COL4A3: variants seen among roughly 807,000 people sequenced by gnomAD.
COL4A3 encodes the protein collagen type IV alpha 3 chain.
A neutral mutation model predicts 217.4 loss-of-function variants in COL4A3; 135 were observed. The observed-to-expected ratio is 0.62, with a 90% confidence interval of 0.54 to 0.72. The LOEUF (loss-of-function observed/expected upper bound fraction) is 0.72, where lower values mean the gene tolerates loss of function less well. COL4A3 is among the 30% of genes least tolerant of loss of function. COL4A3 has a pLI of 0.00. For missense variants in COL4A3, 1,868 were observed against 2,119.9 expected (o/e 0.88, Z 2.33); for synonymous variants, 690 against 736.3 (o/e 0.94, Z 1.02).
At chr2:227,304,169 G>T in intron 46 of COL4A3, 25 bp downstream of exon 46, 1 of 1,613,208 alleles carries the variant, frequency 6.2e-7, no homozygotes, top group South Asian at 1.1e-5. Context: ...GCATTGACTT[G>T]GATCACTAGG....
intron 43 of COL4A3, among the ~76,000 whole-genome samples, chr2:227,302,502 C>T (rs1306522102): frequency 6.6e-6 from 1 of 151,808 alleles, no homozygotes; most frequent in Non-Finnish European, 1.5e-5. Context: ...CATGGCGAAA[C>T]CCTGTCTCTA....
At position 227,207,701 on chromosome 2, in the gene COL4A3, G is replaced by A. The variant is rs572694146; in HGVS notation, c.88-30267G>A. Among the ~76,000 whole-genome samples the A allele has an allele frequency of 3.3e-5, 5 of 152,310 alleles. No homozygotes were observed. The South Asian group carries it at 8.3e-4, about 25-fold the overall frequency. On this transcript the variant is annotated intron_variant, in intron 1 of 51. Coordinates refer to ENST00000396578, the MANE Select transcript of COL4A3 (RefSeq NM_000091.5). ...CTGGTGTCTTCATGGGCAGAAATAG[G>A]TTGTAAATGTGGCCAAAAGCTCTCC...
At chr2:227,213,901 C>CAAAAAAAAAAAAAAAAAA (rs5839195) in intron 1 of COL4A3, among the ~76,000 whole-genome samples, 1 of 89,354 alleles carries the variant, frequency 1.1e-5, no homozygotes, top group Admixed American at 1.3e-4. Flanking sequence ...AACTCTGTCT[C>CAAAAAAAAAAAAAAAAAA]AAAAAAAAAA....
chr2:227,275,857 G>A (rs1205599868), intron 26 of COL4A3, among the ~76,000 whole-genome samples: 2 of 151,464 alleles, frequency 1.3e-5, no homozygotes, highest in African/African-American at 2.4e-5. Context: ...ATTCACCAAC[G>A]TTTAAACTTA....
rs1402894646 is a variant in COL4A3 at position 227,282,488 on chromosome 2, G to A, written c.2612G>A (p.Gly871Asp). 1 of 1,613,848 alleles carries A rather than the reference G, an allele frequency of 6.2e-7. No individual in the cohort carries two copies. The highest frequency in any genetic ancestry group is 8.5e-7 in the Non-Finnish European group (1 of 1,179,962). The change falls in exon 32 of 52, where the codon GGT becomes GAT. Residue 871 changes from glycine to aspartate, a missense_variant. By Grantham distance (94) the Gly-to-Asp change is moderately conservative (BLOSUM62 -1). Around this residue, in one of 2 missense-constraint regions of COL4A3, gnomAD observed 1,503 missense variants for 1,786.1 expected, o/e 0.84. Transcript: ENST00000396578. This position sits in a 1 kb window ranked among gnomAD's most constrained non-coding sequence, Gnocchi z 4.4. Reference sequence around the variant, plus strand: ...CATCAAGGTGAAATGGGACCACTGGGTCAAAGAGGATATCCAGGAAATCCG... The same window carrying A: ...CATCAAGGTGAAATGGGACCACTGGATCAAAGAGGATATCCAGGAAATCCG... ...PGHQGEMGPL[G>D]QRGYPGNPGI...
intron 1 of COL4A3, among the ~76,000 whole-genome samples, chr2:227,174,600 A>C (rs899264827): frequency 6.6e-6 from 1 of 152,018 alleles, no homozygotes; most frequent in East Asian, 1.9e-4. Context: ...TCCACCTCCC[A>C]GGTTCAAGTG....
At chr2:227,172,008 C>A in intron 1 of COL4A3, among the ~76,000 whole-genome samples, 1 of 152,154 alleles carries the variant, frequency 6.6e-6, no homozygotes, top group Non-Finnish European at 1.5e-5. Flanking sequence ...GGGGAGCATG[C>A]GCAGTGTGTT....
chr2:227,276,623 G>A lies in COL4A3; in HGVS notation c.2020+146G>A, dbSNP rs2071582839. On this transcript the variant is annotated intron_variant, in intron 27 of 51. Coordinates refer to ENST00000396578, the MANE Select transcript of COL4A3 (RefSeq NM_000091.5). Reference sequence around the variant, plus strand: ...CACAGGGCAGTGTCTTACCTGATAAGCAAGCAGGCTGGGGACTTGCTATAG... The same window carrying A: ...CACAGGGCAGTGTCTTACCTGATAAACAAGCAGGCTGGGGACTTGCTATAG... 2 of 706,810 alleles carry A rather than the reference G, an allele frequency of 2.8e-6. 1 individual carries two copies. Among genetic ancestry groups the A allele is most frequent in the South Asian group, 3.1e-5 (2 of 65,572 alleles). 43.8% of individuals were successfully genotyped at this position (706,810 alleles called of 1,614,324 possible). A position where few individuals can be genotyped will look rare whatever the true frequency, so the allele number is the denominator to read the frequency against.
intron 1 of COL4A3, chr2:227,221,205 C>T (rs11689849): frequency 0.22 from 33,234 of 152,154 alleles, 4,314 homozygotes; most frequent in Non-Finnish European, 0.3. Context: ...CACTGGTTCC[C>T]CTGTAAGACA....
intron 37 of COL4A3, among the ~76,000 whole-genome samples, chr2:227,291,459 A>C (rs946184263): frequency 6.7e-6 from 1 of 149,544 alleles, no homozygotes; most frequent in Non-Finnish European, 1.5e-5. Flanking sequence ...GCTACTTGGG[A>C]GGCTGAGGCA....
At chr2:227,222,652 T>A (rs6716013) in intron 1 of COL4A3, 76,486 of 152,052 alleles carry the variant, frequency 0.5, 20,033 homozygotes, top group Non-Finnish European at 0.59. Context: ...CCTTGCGGGT[T>A]GAGGGAGGTA....
intron 1 of COL4A3, among the ~76,000 whole-genome samples, chr2:227,170,302 T>C (rs2065430018): frequency 6.6e-6 from 1 of 152,204 alleles, no homozygotes; most frequent in African/African-American, 2.4e-5. Flanking sequence ...ATGCCTTTTT[T>C]CCCTTGTATT....
At chr2:227,266,281 T>C (rs1053031542) in intron 21 of COL4A3, 136 bp from the exon 22 acceptor site, 1 of 717,340 alleles carries the variant, frequency 1.4e-6, no homozygotes, top group African/African-American at 1.8e-5. Context: ...CTTTCTCAGT[T>C]GCAGATAAAC....
At chr2:227,294,436 A>G in intron 38 of COL4A3, 54 bp from the exon 39 acceptor site, 1 of 1,122,414 alleles carries the variant, frequency 8.9e-7, no homozygotes, top group South Asian at 1.2e-5. Context: ...TCACTGTTGT[A>G]ATCATTTATC....
intron 1 of COL4A3, among the ~76,000 whole-genome samples, chr2:227,176,864 A>G (rs1041428070): frequency 2.0e-5 from 3 of 152,200 alleles, no homozygotes; most frequent in African/African-American, 7.2e-5. Context: ...GTTGAACCAG[A>G]ATGATAGGAT....
At chr2:227,261,785 C>A (rs2070585844) in intron 20 of COL4A3, among the ~76,000 whole-genome samples, 1 of 152,130 alleles carries the variant, frequency 6.6e-6, no homozygotes, top group South Asian at 2.1e-4. Flanking sequence ...TGACAGTTTT[C>A]ATAACATATC....
At chr2:227,225,297 C>T (rs1468318505) in intron 1 of COL4A3, among the ~76,000 whole-genome samples, 1 of 152,182 alleles carries the variant, frequency 6.6e-6, no homozygotes, top group Non-Finnish European at 1.5e-5. Flanking sequence ...GTCCCATCCG[C>T]CTTAATATGC....
chr2:227,256,015 T>A lies in COL4A3; in HGVS notation c.889-11T>A. The A allele has an allele frequency of 6.2e-7, 1 of 1,613,628 alleles. No homozygotes were observed. The highest frequency in any genetic ancestry group is 8.5e-7 in the Non-Finnish European group (1 of 1,179,608). On this transcript the variant is annotated splice_polypyrimidine_tract_variant and intron_variant, in intron 15 of 51. Transcript: ENST00000396578. ...ATTACATTTCATGTTTTTGATTTGT[T>A]TTTGCTGTAGGGAAAACCCGGAAAA... is the stretch of plus-strand genomic sequence containing the variant.
chr2:227,184,865 C>T (rs72971867), intron 1 of COL4A3, among the ~76,000 whole-genome samples: 23,896 of 145,510 alleles, frequency 0.16, 2,249 homozygotes, highest in Admixed American at 0.24. Flanking sequence ...TTCTTGACCC[C>T]TCCTTTGCAT....
Sources: gnomAD v4.1 joint callset for allele counts (sites outside exome capture counted in the v4.1 genomes callset) on GRCh38, gnomAD v4.1.1 for gene constraint, gnomAD v4.1.1 regional missense constraint, Gnocchi (gnomAD v3.1) non-coding constraint, MANE v1.5 for transcripts, NCBI Gene and HGNC (gene_info 2026-07-23, HGNC 2026-07-21) for gene names.